TRMT11: variants seen among roughly 807,000 people sequenced by gnomAD.
TRMT11 encodes the protein tRNA (guanine(10)-N(2))-methyltransferase TRMT11.
TRMT11 carries 53 observed loss-of-function variants against 62.8 expected under a neutral mutation model. That is an observed-to-expected ratio of 0.84 (90% CI 0.68 to 1.06). The LOEUF (loss-of-function observed/expected upper bound fraction) is 1.06, where lower values mean the gene tolerates loss of function less well. Ranked by LOEUF, TRMT11 falls within the 50% of genes least tolerant of loss-of-function variation. TRMT11 has a pLI of 0.00. For missense variants in TRMT11, 556 were observed against 553.4 expected (o/e 1.00, Z -0.05); for synonymous variants, 188 against 190.3 (o/e 0.99, Z 0.10).
chr6:126,064,268 C>T (rs1399941086), intron 17 of TRMT11, among the ~76,000 whole-genome samples: 4 of 152,052 alleles, frequency 2.6e-5, no homozygotes, highest in African/African-American at 9.7e-5. Flanking sequence ...TGAGGGCAGC[C>T]CACGTGTCTC....
intron 17 of TRMT11, among the ~76,000 whole-genome samples, chr6:126,073,475 G>T (rs1187679333): frequency 1.3e-5 from 2 of 151,838 alleles, no homozygotes; most frequent in Non-Finnish European, 2.9e-5. Flanking sequence ...TAACTTAATG[G>T]AGTCCGTTAA....
chr6:126,111,589 G>C (rs1777532451), intron 17 of TRMT11, among the ~76,000 whole-genome samples: 1 of 152,106 alleles, frequency 6.6e-6, no homozygotes, highest in Non-Finnish European at 1.5e-5. Context: ...TGTGTTTTAA[G>C]TGTAAGACAG....
intron 11 of TRMT11, among the ~76,000 whole-genome samples, chr6:126,020,239 C>T (rs1041362792): frequency 6.6e-6 from 1 of 152,166 alleles, no homozygotes; most frequent in Non-Finnish European, 1.5e-5. Context: ...TAAATGTGTG[C>T]AGACACCATC....
the TRMT11 span, among the ~76,000 whole-genome samples, chr6:126,257,354 T>C: frequency 6.6e-6 from 1 of 152,142 alleles, no homozygotes; most frequent in African/African-American, 2.4e-5. Context: ...GAATCTGACT[T>C]TGTCATTGTA....
chr6:126,093,631 A>ATATATATATATATATTTTTTTTTTTT, intron 17 of TRMT11, among the ~76,000 whole-genome samples: 1 of 98,014 alleles, frequency 1.0e-5, no homozygotes, highest in African/African-American at 4.4e-5. Context: ...ATATATATAT[A>ATATATATATATATATTTTTTTTTTTT]TTTTCCCCCA....
intron 17 of TRMT11, among the ~76,000 whole-genome samples, chr6:126,100,544 A>T (rs1429999799): frequency 6.6e-6 from 1 of 152,164 alleles, no homozygotes; most frequent in Non-Finnish European, 1.5e-5. Context: ...TGCTGTATGG[A>T]TTTGCTACAA....
At chr6:126,269,153 A>G in the TRMT11 span, among the ~76,000 whole-genome samples, 1 of 148,944 alleles carries the variant, frequency 6.7e-6, no homozygotes, top group African/African-American at 2.5e-5. Flanking sequence ...AGTCCCAGCT[A>G]CTTGGGAGGC....
chr6:125,987,405 T>TA (rs1219226105), intron 1 of TRMT11, among the ~76,000 whole-genome samples: 2 of 152,130 alleles, frequency 1.3e-5, no homozygotes, highest in Non-Finnish European at 2.9e-5. Flanking sequence ...GATCACTAGT[T>TA]ATGTGGCAGA....
intron 17 of TRMT11, among the ~76,000 whole-genome samples, chr6:126,060,541 G>A (rs751437412): frequency 1.3e-5 from 2 of 152,082 alleles, no homozygotes; most frequent in Non-Finnish European, 2.9e-5. Flanking sequence ...GTCCATTCAC[G>A]AATGGCTCCA....
intron 17 of TRMT11, among the ~76,000 whole-genome samples, chr6:126,106,619 C>G (rs765915912): frequency 1.2e-4 from 19 of 152,146 alleles, no homozygotes; most frequent in Non-Finnish European, 2.6e-4. Context: ...GCCTCTATAA[C>G]ATAAGCTCTG....
intron 21 of TRMT11, among the ~76,000 whole-genome samples, chr6:126,121,424 A>G (rs1231837943): frequency 2.0e-5 from 3 of 152,136 alleles, no homozygotes; most frequent in South Asian, 2.1e-4. Flanking sequence ...CAGAGCTACA[A>G]ACTTAAGTTA....
At chr6:126,093,610 TA>T (rs1562321361) in intron 17 of TRMT11, among the ~76,000 whole-genome samples, 1,024 of 95,294 alleles carry the variant, frequency 0.011, 135 homozygotes, top group African/African-American at 0.048. Context: ...TATATATATA[TA>T]TATATATATA....
At chr6:126,261,114 T>G in the TRMT11 span, among the ~76,000 whole-genome samples, 607 of 152,280 alleles carry the variant, frequency 4.0e-3, 4 homozygotes, top group African/African-American at 0.013. Context: ...CTTTTTAAAT[T>G]CTCTTCTATT....
chr6:126,086,350 C>T (rs537972644), intron 17 of TRMT11, among the ~76,000 whole-genome samples: 230 of 152,276 alleles, frequency 1.5e-3, no homozygotes, highest in African/African-American at 5.1e-3. Context: ...GGCATCACAT[C>T]CATCCAGTGT....
chr6:126,234,644 T>C, the TRMT11 span, among the ~76,000 whole-genome samples: 3 of 152,172 alleles, frequency 2.0e-5, no homozygotes, highest in Non-Finnish European at 2.9e-5. Context: ...CATACTGGGA[T>C]ATGTTTATAT....
chr6:126,194,819 G>C (rs1778646166), intron 1 of TRMT11, among the ~76,000 whole-genome samples: 1 of 152,108 alleles, frequency 6.6e-6, no homozygotes, highest in Non-Finnish European at 1.5e-5. Flanking sequence ...ATCACCTGCA[G>C]TACTTAAAAA....
upstream of TRMT11, among the ~76,000 whole-genome samples, chr6:126,176,335 AAATCCAATC>A (rs1187839000): frequency 1.3e-5 from 2 of 152,194 alleles, no homozygotes; most frequent in Non-Finnish European, 2.9e-5. Context: ...CTTCACCCTA[AAATCCAATC>A]AATTTATTAA....
chr6:126,099,848 T>C (rs1487338624), intron 17 of TRMT11, among the ~76,000 whole-genome samples: 1 of 152,136 alleles, frequency 6.6e-6, no homozygotes, highest in Non-Finnish European at 1.5e-5. Context: ...GACTCCTGAG[T>C]TGATTTTTGA....
intron 12 of TRMT11, among the ~76,000 whole-genome samples, chr6:126,029,965 C>G (rs1317368427): frequency 6.6e-6 from 1 of 151,888 alleles, no homozygotes; most frequent in African/African-American, 2.4e-5. Flanking sequence ...TTTGAGCACT[C>G]TAGATATGAA....
Sources: allele counts gnomAD v4.1 joint callset (sites outside exome capture counted in the v4.1 genomes callset), GRCh38; gene constraint gnomAD v4.1.1; transcripts MANE v1.5; gene names NCBI Gene and HGNC (gene_info 2026-07-23, HGNC 2026-07-21).